CCDC102B: variants seen among roughly 807,000 people sequenced by gnomAD.
CCDC102B encodes coiled-coil domain containing 102B.
Under a neutral mutation model 57.4 loss-of-function variants are expected in CCDC102B, and 75 were observed. The observed-to-expected ratio is 1.31, with a 90% CI of 1.08 to 1.58. CCDC102B has a LOEUF of 1.58. Ranked by LOEUF, CCDC102B falls within the 40% of genes most tolerant of loss-of-function variation. The pLI is 0.00. For synonymous variants in CCDC102B, 206 were observed against 201.9 expected, an observed-to-expected ratio of 1.02 and a Z score of -0.17; for missense variants, 636 against 582.6, an observed-to-expected ratio of 1.09 and a Z score of -0.94.
At chr18:68,915,933 T>C (rs2041055924) in intron 6 of CCDC102B, among the ~76,000 whole-genome samples, 3 of 152,206 alleles carry the variant, frequency 2.0e-5, no homozygotes, top group Admixed American at 2.0e-4. Context: ...CCTCTCCTTG[T>C]TTAGTTCATG....
intron 2 of CCDC102B, among the ~76,000 whole-genome samples, chr18:68,728,935 G>A (rs1304599947): frequency 6.7e-6 from 1 of 149,926 alleles, no homozygotes; most frequent in African/African-American, 2.5e-5. Flanking sequence ...ACCATATATT[G>A]ATTTTTTTTT....
intron 7 of CCDC102B, among the ~76,000 whole-genome samples, chr18:69,029,525 T>C (rs7242645): frequency 0.98 from 149,980 of 152,306 alleles, 73,883 homozygotes; most frequent in East Asian, 1. Context: ...CGTCAAGAGA[T>C]GTTTAGCTAA....
chr18:69,027,742 T>A lies in CCDC102B; in HGVS notation c.1434+16638T>A, dbSNP rs988630703. On this transcript the variant is annotated intron_variant, in intron 7 of 7. Coordinates refer to ENST00000360242, the MANE Select transcript of CCDC102B (RefSeq NM_024781.3). ...AATTTCATAGAAATATATACCTTAT[T>A]TTTCCTTGAACAGTGCATACGTATG... Among the ~76,000 whole-genome samples, 12 of 152,184 alleles carry A rather than the reference T, an allele frequency of 7.9e-5. 1 individual carries two copies. The highest frequency in any genetic ancestry group is 1.6e-4 in the Non-Finnish European group (11 of 68,022).
At chr18:68,867,033 C>G (rs1382543852) in intron 4 of CCDC102B, 1 of 270,276 alleles carries the variant, frequency 3.7e-6, no homozygotes, top group Non-Finnish European at 7.3e-6. Context: ...ATGTGAAGAG[C>G]TGACGTTCCC....
intron 5 of CCDC102B, among the ~76,000 whole-genome samples, chr18:68,894,189 C>G (rs1599647037): frequency 1.3e-5 from 2 of 152,006 alleles, no homozygotes; most frequent in Non-Finnish European, 1.5e-5. Flanking sequence ...CTCTTTGTTT[C>G]TTGATACATA....
chr18:68,936,530 T>C (rs940268694), intron 6 of CCDC102B, among the ~76,000 whole-genome samples: 2 of 152,016 alleles, frequency 1.3e-5, no homozygotes, highest in Non-Finnish European at 2.9e-5. Context: ...AGTTTTATTT[T>C]TCCTTGTATT....
chr18:69,018,466 A>G (rs2051733488), intron 7 of CCDC102B, among the ~76,000 whole-genome samples: 1 of 152,144 alleles, frequency 6.6e-6, no homozygotes, highest in South Asian at 2.1e-4. Context: ...GATAATAGCC[A>G]TCTTGAAAAG....
At chr18:68,760,821 AG>A (rs1247221667) in intron 2 of CCDC102B, among the ~76,000 whole-genome samples, 2 of 152,110 alleles carry the variant, frequency 1.3e-5, no homozygotes, top group African/African-American at 4.8e-5. Flanking sequence ...TGCAGCAAGA[AG>A]GATAACAGCT....
intron 6 of CCDC102B, among the ~76,000 whole-genome samples, chr18:68,959,835 C>T (rs2050001074): frequency 6.6e-6 from 1 of 152,090 alleles, no homozygotes. Flanking sequence ...ACTGAGGGCT[C>T]TTCATTCAGC....
chr18:68,871,129 C>G, intron 4 of CCDC102B, among the ~76,000 whole-genome samples: 1 of 151,884 alleles, frequency 6.6e-6, no homozygotes, highest in East Asian at 1.9e-4. Flanking sequence ...ACACGCAGTA[C>G]AAACAGAGGA....
At chr18:68,878,216 C>T (rs1316397781) in intron 5 of CCDC102B, among the ~76,000 whole-genome samples, 1 of 152,104 alleles carries the variant, frequency 6.6e-6, no homozygotes, top group African/African-American at 2.4e-5. Context: ...CTCACCTCAG[C>T]CTCCCAAGTA....
intron 2 of CCDC102B, among the ~76,000 whole-genome samples, chr18:68,770,446 G>A (rs771087054): frequency 6.6e-6 from 1 of 152,142 alleles, no homozygotes; most frequent in African/African-American, 2.4e-5. Flanking sequence ...GAAATAACAA[G>A]GTGCAACTTA....
chr18:68,899,078 T>G (rs2040344604), intron 6 of CCDC102B, among the ~76,000 whole-genome samples: 2 of 148,864 alleles, frequency 1.3e-5, no homozygotes, highest in South Asian at 2.2e-4. Context: ...CTTAGAAGAC[T>G]GTAGGATTTT....
At chr18:68,975,855 A>C (rs1185536677) in intron 6 of CCDC102B, among the ~76,000 whole-genome samples, 1 of 151,838 alleles carries the variant, frequency 6.6e-6, no homozygotes, top group African/African-American at 2.4e-5. Flanking sequence ...TCATTTAAAA[A>C]AAAAAAAAAG....
At chr18:69,042,550 A>G (rs2052459040) in intron 7 of CCDC102B, among the ~76,000 whole-genome samples, 1 of 152,084 alleles carries the variant, frequency 6.6e-6, no homozygotes, top group African/African-American at 2.4e-5. Flanking sequence ...GGTGATCTTT[A>G]AAAAGAAATT....
intron 1 of CCDC102B, among the ~76,000 whole-genome samples, chr18:68,801,997 A>C (rs1397564956): frequency 1.3e-5 from 2 of 152,186 alleles, no homozygotes; most frequent in Non-Finnish European, 2.9e-5. Flanking sequence ...GATGAGAAGA[A>C]AATGTATTTC....
chr18:69,003,904 C>G (rs2051272022), intron 6 of CCDC102B, among the ~76,000 whole-genome samples: 1 of 151,974 alleles, frequency 6.6e-6, no homozygotes, highest in Admixed American at 6.6e-5. Flanking sequence ...GATCATTTGC[C>G]TAGTTTTCTG....
chr18:68,739,880 C>A (rs2033308776), intron 2 of CCDC102B, among the ~76,000 whole-genome samples: 1 of 152,184 alleles, frequency 6.6e-6, no homozygotes, highest in South Asian at 2.1e-4. Context: ...GGAACAGCTG[C>A]AGAGCTTCCT....
chr18:68,990,565 G>A lies in CCDC102B; in HGVS notation c.1264-20369G>A, dbSNP rs187391259. ...ATGTGTTTGTGTGTATACAAGGTATGCGTAAATAATCAGAATCATTATATA... is the reference window on the plus strand; with the variant it reads ...ATGTGTTTGTGTGTATACAAGGTATACGTAAATAATCAGAATCATTATATA... On this transcript the variant is annotated intron_variant, in intron 6 of 7. Transcript: ENST00000360242. Among the ~76,000 whole-genome samples the A allele has an allele frequency of 2.0e-4, 31 of 152,300 alleles. No homozygotes were observed. The East Asian group carries it at 5.8e-3, about 28-fold the overall frequency.
Sources: allele counts gnomAD v4.1 joint callset (sites outside exome capture counted in the v4.1 genomes callset), GRCh38; gene constraint gnomAD v4.1.1; transcripts MANE v1.5; gene names NCBI Gene and HGNC (gene_info 2026-07-23, HGNC 2026-07-21).